Variants in TMEM71 observed in about 807,000 individuals in gnomAD.
TMEM71 encodes transmembrane protein 71.
TMEM71 carries 44 observed loss-of-function variants against 38.0 expected under a neutral mutation model. The observed-to-expected ratio is 1.16, with a 90% CI of 0.91 to 1.49. TMEM71 has a LOEUF of 1.49. TMEM71 is among the 40% of genes most tolerant of loss of function. The pLI is 0.00. For synonymous variants in TMEM71, 133 were observed against 122.5 expected (o/e 1.09, Z -0.56); for missense variants, 367 against 348.6 (o/e 1.05, Z -0.42).
At position 132,720,020 on chromosome 8, in the gene TMEM71, G is replaced by A. The variant is rs930234400; in HGVS notation, c.752+2020C>T. On this transcript the variant is annotated intron_variant, in intron 7 of 9. Transcript: ENST00000677595. ...TTGGAAAGTCCTGCTCAGATAATGT[G>A]TTGAATGTCCCTTAATTTTTTTTTT... is the stretch of plus-strand genomic sequence containing the variant. 8.6e-5 allele frequency among the ~76,000 whole-genome samples: 13 copies of A among 152,012 alleles called. 1 individual carries two copies. Among genetic ancestry groups the A allele is most frequent in the Admixed American group, 7.8e-4 (12 of 15,292 alleles).
the TMEM71 span, among the ~76,000 whole-genome samples, chr8:132,772,052 C>T: frequency 2.6e-5 from 4 of 152,100 alleles, no homozygotes; most frequent in African/African-American, 9.7e-5. Context: ...TTAAAAAAAA[C>T]TTGAACTGCT....
intron 4 of TMEM71, among the ~76,000 whole-genome samples, chr8:132,749,668 A>G (rs1313377203): frequency 6.6e-6 from 1 of 152,240 alleles, no homozygotes; most frequent in Admixed American, 6.5e-5. Flanking sequence ...CTCTGCTTCA[A>G]GGTGGGTCAC....
At chr8:132,709,566 G>T (rs1401727530), downstream of TMEM71, among the ~76,000 whole-genome samples, 1 of 152,040 alleles carries the variant, frequency 6.6e-6, no homozygotes, top group Non-Finnish European at 1.5e-5. Context: ...TAAAGAGGGA[G>T]GTAGAGGGAG....
chr8:132,775,316 T>C, the TMEM71 span: 6 of 341,490 alleles, frequency 1.8e-5, no homozygotes, highest in Non-Finnish European at 3.2e-5. Flanking sequence ...CCCTCGTGAG[T>C]CACGTGACAA....
the TMEM71 span, among the ~76,000 whole-genome samples, chr8:132,768,714 TTGAC>T: frequency 2.6e-5 from 4 of 152,244 alleles, no homozygotes; most frequent in Non-Finnish European, 4.4e-5. Context: ...CCTCAATACT[TTGAC>T]TAAGGCAAAC....
chr8:132,755,478 A>G (rs963609794), intron 3 of TMEM71, among the ~76,000 whole-genome samples: 3 of 152,204 alleles, frequency 2.0e-5, no homozygotes, highest in African/African-American at 7.2e-5. Context: ...AACAAGCCCA[A>G]CTGCCCAAAG....
At chr8:132,764,288 T>TTTTGTG (rs112225891), upstream of TMEM71, among the ~76,000 whole-genome samples, 5 of 149,062 alleles carry the variant, frequency 3.4e-5, no homozygotes, top group African/African-American at 9.9e-5. Flanking sequence ...AACTGGGAGG[T>TTTTGTG]TGTGTGTGTG....
At chr8:132,715,635 T>C (rs1895808) in intron 7 of TMEM71, among the ~76,000 whole-genome samples, 64,147 of 151,832 alleles carry the variant, frequency 0.42, 15,012 homozygotes, top group African/African-American at 0.63. Flanking sequence ...CATATGATTC[T>C]TTGTAGAAGC....
At chr8:132,752,640 A>G (rs542658940) in intron 3 of TMEM71, among the ~76,000 whole-genome samples, 1 of 152,254 alleles carries the variant, frequency 6.6e-6, no homozygotes, top group African/African-American at 2.4e-5. Context: ...AGGCTAAGGC[A>G]GGAGGATCCC....
chr8:132,739,251 G>A (rs530702141), intron 5 of TMEM71, among the ~76,000 whole-genome samples: 2 of 152,358 alleles, frequency 1.3e-5, no homozygotes, highest in South Asian at 2.1e-4. Flanking sequence ...CCGGGCAGCA[G>A]AGCAGAGTCT....
At chr8:132,757,040 C>T (rs961025427) in intron 3 of TMEM71, among the ~76,000 whole-genome samples, 194 bp downstream of exon 3, 4 of 140,942 alleles carry the variant, frequency 2.8e-5, no homozygotes, top group East Asian at 4.3e-4. Flanking sequence ...GGGCCCGCCA[C>T]CACGCAGCGC....
chr8:132,769,555 G>A, the TMEM71 span, among the ~76,000 whole-genome samples: 11 of 152,304 alleles, frequency 7.2e-5, no homozygotes, highest in Non-Finnish European at 1.5e-4. Context: ...CAATGCAATG[G>A]TACTTGGAAG....
chr8:132,745,005 A>G (rs1343132211), intron 5 of TMEM71, among the ~76,000 whole-genome samples: 3 of 152,172 alleles, frequency 2.0e-5, no homozygotes, highest in African/African-American at 7.2e-5. Flanking sequence ...ACCTTTCACC[A>G]TATACAAAAA....
chr8:132,773,281 C>T, the TMEM71 span, among the ~76,000 whole-genome samples: 7 of 152,076 alleles, frequency 4.6e-5, no homozygotes, highest in Non-Finnish European at 8.8e-5. Context: ...CTCTAGGGGA[C>T]GGTATTAACT....
chr8:132,758,376 G>A (rs554727150), intron 2 of TMEM71: 42 of 163,122 alleles, frequency 2.6e-4, no homozygotes, highest in Non-Finnish European at 4.4e-4. Flanking sequence ...TTCAGATTGG[G>A]CTGGTTGATT....
At chr8:132,759,078 A>G (rs1375667270) in intron 1 of TMEM71, among the ~76,000 whole-genome samples, 163 bp from the exon 2 acceptor site, 1 of 152,206 alleles carries the variant, frequency 6.6e-6, no homozygotes, top group African/African-American at 2.4e-5. Flanking sequence ...CAACCCCTCT[A>G]AAGTTGTGTC....
intron 5 of TMEM71, among the ~76,000 whole-genome samples, chr8:132,742,372 C>G (rs1234531085): frequency 6.6e-6 from 1 of 152,174 alleles, no homozygotes; most frequent in Non-Finnish European, 1.5e-5. Context: ...GAGACTCTGT[C>G]TAGAAAAACA....
At chr8:132,720,395 C>T (rs1427157695) in intron 7 of TMEM71, among the ~76,000 whole-genome samples, 8 of 152,136 alleles carry the variant, frequency 5.3e-5, no homozygotes, top group Non-Finnish European at 1.2e-4. Context: ...CTTGGAGGTG[C>T]GGAAAACACG....
the TMEM71 span, among the ~76,000 whole-genome samples, chr8:132,770,035 G>A: frequency 6.6e-6 from 1 of 152,190 alleles, no homozygotes; most frequent in Non-Finnish European, 1.5e-5. Flanking sequence ...TAGCTGCTGT[G>A]TTCTGTTGCT....
Sources: allele counts gnomAD v4.1 joint callset (sites outside exome capture counted in the v4.1 genomes callset), GRCh38; gene constraint gnomAD v4.1.1; transcripts MANE v1.5; gene names NCBI Gene and HGNC (gene_info 2026-07-23, HGNC 2026-07-21).